LRRD1: variants seen among roughly 807,000 people sequenced by gnomAD.
LRRD1 encodes leucine rich repeats and death domain containing 1, also known as leucine-rich repeat and death domain-containing protein 1.
A neutral mutation model predicts 69.5 loss-of-function variants in LRRD1; 49 were observed. The ratio of observed to expected loss-of-function variants is 0.70; its 90% confidence interval spans 0.56 to 0.89. LRRD1 has a LOEUF of 0.89. Among genes scored for constraint, LRRD1 ranks in the 40% least tolerant of loss-of-function variants. The pLI is 0.00. For missense variants in LRRD1, 853 were observed against 956.0 expected (o/e 0.89, Z 1.42); for synonymous variants, 303 against 338.9 (o/e 0.89, Z 1.16).
downstream of LRRD1, among the ~76,000 whole-genome samples, chr7:92,144,628 CAAAAAAA>C (rs61338977): frequency 1.2e-4 from 10 of 85,832 alleles, no homozygotes; most frequent in South Asian, 1.6e-3. Flanking sequence ...AACTCCATCT[CAAAAAAA>C]AAAAAAAAAA....
chr7:92,147,928 T>A (rs1820369114), intron 4 of LRRD1, among the ~76,000 whole-genome samples: 1 of 152,114 alleles, frequency 6.6e-6, no homozygotes, highest in African/African-American at 2.4e-5. Context: ...ATTTATTTAC[T>A]TATTTTGAGA....
rs1465429176 is a variant in LRRD1, at chr7:92,164,176, C to T, written c.1027G>A (p.Val343Ile). 6.5e-7 allele frequency: 1 copy of T among 1,547,614 alleles called. No homozygotes were observed. Among genetic ancestry groups the T allele is most frequent in the East Asian group, 2.5e-5 (1 of 40,784 alleles). The change falls in exon 2 of 6, where the codon GTA (valine) becomes ATA (isoleucine). Residue 343 changes from valine (V) to isoleucine (I), a missense_variant. This residue lies in a region of LRRD1 where 739 missense variants were observed against 808.0 expected (regional missense o/e 0.91). Coordinates refer to ENST00000458448, the MANE Select transcript of LRRD1 (RefSeq NM_001161528.2). ...MDHNKLTFLA[V>I]EIFQLLKIKE... ...ATTTTGAGTAACTGAAAAATTTCTA[C>T]AGCCAGAAAGGTAAGCTTATTGTGA...
At chr7:92,166,063 G>A (rs1334773292) in intron 1 of LRRD1, among the ~76,000 whole-genome samples, 2 of 152,132 alleles carry the variant, frequency 1.3e-5, no homozygotes, top group African/African-American at 2.4e-5. Flanking sequence ...TTCTGTAAGA[G>A]TAAACTAGAC....
At chr7:92,144,216 A>G (rs551702678), downstream of LRRD1, among the ~76,000 whole-genome samples, 1 of 152,248 alleles carries the variant, frequency 6.6e-6, no homozygotes. Context: ...TTCTGTTTTT[A>G]AACTAGCATC....
chr7:92,165,506 G>T (rs1788887526), intron 1 of LRRD1, among the ~76,000 whole-genome samples: 1 of 151,960 alleles, frequency 6.6e-6, no homozygotes, highest in Non-Finnish European at 1.5e-5. Context: ...AAACAAAAAA[G>T]TTCAAAGAAA....
Position 92,164,948 on chromosome 7 carries a change from A to G in LRRD1, c.255T>C (p.Leu85=). Residue 85 remains leucine, a synonymous_variant, in exon 2 of 6, where the codon CTT becomes CTC. Coordinates refer to ENST00000458448, the MANE Select transcript of LRRD1 (RefSeq NM_001161528.2). ...TTCTAGTGCTTGTTTCAGAAAATTG[A>G]AGATTTTTCTTTTGTTCTTCATTTC... ...SKRNEEQKKN[L]QFSETSTRTG... 1 of 1,551,438 alleles carries G rather than the reference A, an allele frequency of 6.4e-7. No homozygotes were observed. Among genetic ancestry groups the G allele is most frequent in the Non-Finnish European group, 8.7e-7 (1 of 1,146,892 alleles).
chr7:92,178,531 G>T (rs1227086126), intron 1 of LRRD1, among the ~76,000 whole-genome samples: 1 of 151,904 alleles, frequency 6.6e-6, no homozygotes, highest in Non-Finnish European at 1.5e-5. Context: ...TTAGCCGGTC[G>T]TGGCGGCGCG....
chr7:92,167,532 G>A (rs902708546), intron 1 of LRRD1, among the ~76,000 whole-genome samples: 3 of 151,692 alleles, frequency 2.0e-5, no homozygotes, highest in East Asian at 3.9e-4. Context: ...AATTTTTAAA[G>A]TAATCTGAGT....
In LRRD1 at chr7:92,164,296, G is replaced by C; in HGVS notation, c.907C>G (p.Pro303Ala). The C allele has an allele frequency of 1.3e-6, 2 of 1,550,882 alleles. No homozygotes were observed. Among genetic ancestry groups the C allele is most frequent in the Non-Finnish European group, 1.7e-6 (2 of 1,146,694 alleles). ...TTFPKALCFLPKLISLDLTGN... is the reference protein window; with the variant it reads ...TTFPKALCFLAKLISLDLTGN... ...GTAAGGTCTAGTGAAATTAACTTTG[G>C]AAGGAAGCAGAGAGCTTTAGGAAAT... The change falls in exon 2 of 6, where the codon CCA becomes GCA. Residue 303 changes from proline to alanine, a missense_variant. By Grantham distance (27) the Pro-to-Ala change is conservative (BLOSUM62 -1). Coordinates refer to ENST00000458448, the MANE Select transcript of LRRD1 (RefSeq NM_001161528.2).
chr7:92,177,443 G>A (rs1179691634), intron 1 of LRRD1, among the ~76,000 whole-genome samples: 3 of 152,110 alleles, frequency 2.0e-5, no homozygotes, highest in African/African-American at 7.2e-5. Flanking sequence ...AACATATGGG[G>A]ATATAATTGC....
chr7:92,170,839 C>G lies in LRRD1; in HGVS notation c.-74-5563G>C, dbSNP rs372735176. Among the ~76,000 whole-genome samples the G allele has an allele frequency of 3.9e-5, 6 of 152,256 alleles. 1 individual carries two copies. The highest frequency in any genetic ancestry group is 1.4e-4 in the African/African-American group (6 of 41,536). On this transcript the variant is annotated intron_variant, in intron 1 of 5. Transcript: ENST00000458448. Reference sequence around the variant, plus strand: ...ACAAATTCAAAAAAATTGGCACTAACATCAAGTATGTTTTCTGACAACAAT... The same window carrying G: ...ACAAATTCAAAAAAATTGGCACTAAGATCAAGTATGTTTTCTGACAACAAT...
downstream of LRRD1, chr7:92,142,975 T>C (rs1339911524): frequency 7.7e-6 from 2 of 258,642 alleles, no homozygotes; most frequent in Admixed American, 1.0e-4. Flanking sequence ...TCAGGCAGCC[T>C]GCTTTTATTC....
intron 2 of LRRD1, among the ~76,000 whole-genome samples, chr7:92,161,786 G>T (rs1201167089): frequency 6.6e-6 from 1 of 152,172 alleles, no homozygotes; most frequent in African/African-American, 2.4e-5. Context: ...AGAAAAATGA[G>T]CTGACTTTGA....
At position 92,145,037 on chromosome 7, in the gene LRRD1, C is replaced by T; in HGVS notation, c.2434G>A (p.Val812Ile). The T allele has an allele frequency of 6.6e-7, 1 of 1,520,272 alleles. No homozygotes were observed. The highest frequency in any genetic ancestry group is 8.9e-7 in the Non-Finnish European group (1 of 1,128,716). 94.2% of individuals were successfully genotyped at this position (1,520,272 alleles called of 1,614,324 possible). A position where few individuals can be genotyped will look rare whatever the true frequency, so the allele number is the denominator to read the frequency against. ...TTGTTACTTTGTGTTTTCCATATAA[C>T]AAGTGCTTGGTGGGCTCTCTCACTT... ...SLSERAHQAL[V>I]IWKTQSNKLS... Residue 812 changes from valine (V) to isoleucine (I), a missense_variant, in exon 6 of 6, where the codon GTT (valine) becomes ATT (isoleucine). This residue lies in a region of LRRD1 where 739 missense variants were observed against 808.0 expected (regional missense o/e 0.91). Transcript: ENST00000458448.
intron 1 of LRRD1, among the ~76,000 whole-genome samples, chr7:92,166,179 G>T (rs1251149414): frequency 6.6e-6 from 1 of 152,212 alleles, no homozygotes; most frequent in Non-Finnish European, 1.5e-5. Context: ...CTGGGTCCCA[G>T]CTCTGTAAGT....
At chr7:92,143,699 G>A (rs929749567), downstream of LRRD1, among the ~76,000 whole-genome samples, 13 of 152,150 alleles carry the variant, frequency 8.5e-5, no homozygotes, top group African/African-American at 3.1e-4. Context: ...TCCCGCCCGC[G>A]CCTCTCCCTG....
At chr7:92,150,471 T>C in intron 4 of LRRD1, 63 bp downstream of exon 4, 2 of 1,373,002 alleles carry the variant, frequency 1.5e-6, no homozygotes, top group Non-Finnish European at 1.9e-6. Context: ...TCTCCAAAAA[T>C]ATTAAAATAA....
In LRRD1 at chr7:92,164,709, T is replaced by C. The variant is rs185483517; in HGVS notation, c.494A>G (p.Tyr165Cys). The C allele has an allele frequency of 6.4e-7, 1 of 1,550,420 alleles. No individual in the cohort carries two copies. The part of the protein sequence containing the change: ...EFPKDILKIK[Y>C]VKYLYLDKNQ... ...CTTGTCTAAATATAGATATTTTACA[T>C]ATTTGATTTTTAAAATGTCCTTAGG... The change falls in exon 2 of 6, where the codon TAT (tyrosine) becomes TGT (cysteine). Residue 165 changes from tyrosine (Y) to cysteine (C), a missense_variant. Tyr to Cys is a radical substitution (Grantham distance 194). Around this residue, in one of 3 missense-constraint regions of LRRD1, gnomAD observed 739 missense variants for 808.0 expected, o/e 0.91. Transcript: ENST00000458448.
chr7:92,147,834 C>T (rs1232351776), intron 4 of LRRD1, among the ~76,000 whole-genome samples: 2 of 152,084 alleles, frequency 1.3e-5, no homozygotes, highest in African/African-American at 2.4e-5. Flanking sequence ...CAGGCTCAAG[C>T]GACTCTCCCA....
Sources: allele counts gnomAD v4.1 joint callset (sites outside exome capture counted in the v4.1 genomes callset), GRCh38; gene constraint gnomAD v4.1.1; regional missense constraint gnomAD v4.1.1; transcripts MANE v1.5; gene names NCBI Gene and HGNC (gene_info 2026-07-23, HGNC 2026-07-21).